The following DNM3 variants were observed in gnomAD, a reference collection of about 807,000 sequenced individuals.
DNM3 encodes dynamin-3.
In DNM3, 47 loss-of-function variants were observed where a neutral mutation model predicts 101.6. The ratio of observed to expected loss-of-function variants is 0.46; its 90% CI spans 0.37 to 0.59. The LOEUF (loss-of-function observed/expected upper bound fraction) is 0.59. Ranked by LOEUF, DNM3 falls within the 20% of genes least tolerant of loss-of-function variation. DNM3 has a pLI of 0.00. For missense variants in DNM3, 849 were observed against 1,085.7 expected, an observed-to-expected ratio of 0.78 and a Z score of 3.06; for synonymous variants, 385 against 387.9, an observed-to-expected ratio of 0.99 and a Z score of 0.09.
chr1:172,253,510 CT>C (rs1229351089), intron 14 of DNM3, 62 bp from the exon 15 acceptor site: 1 of 833,220 alleles, frequency 1.2e-6, no homozygotes, highest in African/African-American at 2.4e-5. Flanking sequence ...CTCTCCTCTC[CT>C]CTCCTCTCCT....
chr1:171,845,322 G>A (rs943719049), intron 1 of DNM3, among the ~76,000 whole-genome samples: 14 of 152,208 alleles, frequency 9.2e-5, no homozygotes, highest in African/African-American at 3.4e-4. Flanking sequence ...GCCAAGGCGG[G>A]AGGATTGCTT....
At chr1:172,076,819 G>A (rs527621543) in intron 11 of DNM3, among the ~76,000 whole-genome samples, 3 of 152,274 alleles carry the variant, frequency 2.0e-5, no homozygotes, top group Non-Finnish European at 2.9e-5. Context: ...TTAGGATGAC[G>A]TTGGCATCAT....
At chr1:172,268,309 T>G (rs2062951185) in intron 15 of DNM3, among the ~76,000 whole-genome samples, 1 of 152,036 alleles carries the variant, frequency 6.6e-6, no homozygotes, top group South Asian at 2.1e-4. Flanking sequence ...ATTTTGAAAG[T>G]TGATTCCAAG....
intron 14 of DNM3, among the ~76,000 whole-genome samples, chr1:172,220,846 G>T (rs2060882391): frequency 6.6e-6 from 1 of 152,190 alleles, no homozygotes; most frequent in South Asian, 2.1e-4. Flanking sequence ...TTCTTTATTT[G>T]TTAATAAAAG....
At chr1:172,229,482 T>C (rs940965200) in intron 14 of DNM3, among the ~76,000 whole-genome samples, 1 of 152,152 alleles carries the variant, frequency 6.6e-6, no homozygotes, top group East Asian at 1.9e-4. Flanking sequence ...GACAGACACA[T>C]GCCCAGCTAA....
intron 17 of DNM3, among the ~76,000 whole-genome samples, chr1:172,363,419 G>A (rs1386131769): frequency 6.6e-6 from 1 of 151,866 alleles, no homozygotes; most frequent in African/African-American, 2.4e-5. Context: ...CAGTCTTCAA[G>A]ACTGGACATC....
At chr1:172,237,089 T>C (rs2148633116) in intron 14 of DNM3, among the ~76,000 whole-genome samples, 1 of 152,272 alleles carries the variant, frequency 6.6e-6, no homozygotes, top group Non-Finnish European at 1.5e-5. Context: ...GCAGATAATT[T>C]GCAGCGAAAT....
chr1:171,933,940 T>C (rs969994944), intron 2 of DNM3, among the ~76,000 whole-genome samples: 2 of 152,224 alleles, frequency 1.3e-5, no homozygotes, highest in Non-Finnish European at 2.9e-5. Context: ...TAAGGGATTC[T>C]TCATTTACTG....
intron 13 of DNM3, among the ~76,000 whole-genome samples, chr1:172,101,348 A>G (rs2054625638): frequency 6.6e-6 from 1 of 152,148 alleles, no homozygotes; most frequent in African/African-American, 2.4e-5. Context: ...CCTTTTAAAA[A>G]TAATTCTACT....
intron 11 of DNM3, among the ~76,000 whole-genome samples, chr1:172,077,687 T>C (rs893151389): frequency 4.6e-5 from 7 of 152,220 alleles, no homozygotes; most frequent in African/African-American, 1.7e-4. Flanking sequence ...TTTGTTATGA[T>C]TTCTGTTCTT....
rs1343764040 is a variant in DNM3 at position 172,024,793 on chromosome 1, G to T, written c.590-7609G>T. 3.3e-5 allele frequency among the ~76,000 whole-genome samples: 5 copies of T among 152,218 alleles called. No homozygotes were observed. The East Asian group carries it at 9.6e-4, about 29-fold the overall frequency. On this transcript the variant is annotated intron_variant, in intron 4 of 20. Transcript: ENST00000627582. ...GCTCAGATACTATGCTTTTCCCACG[G>T]TCTTCACAACCTACAGGCAAGAGAT... is the stretch of plus-strand genomic sequence containing the variant.
At chr1:172,015,274 C>T (rs1572093200) in intron 4 of DNM3, among the ~76,000 whole-genome samples, 1 of 152,218 alleles carries the variant, frequency 6.6e-6, no homozygotes, top group African/African-American at 2.4e-5. Flanking sequence ...CCATACAAAA[C>T]TTAGAATCAG....
intron 2 of DNM3, among the ~76,000 whole-genome samples, chr1:171,931,365 T>C (rs1464917596): frequency 6.6e-6 from 1 of 152,140 alleles, no homozygotes. Flanking sequence ...CAGGCTCAAG[T>C]CCTGTCATTT....
At chr1:172,075,746 A>G (rs1196269634) in intron 11 of DNM3, among the ~76,000 whole-genome samples, 2 of 152,206 alleles carry the variant, frequency 1.3e-5, no homozygotes, top group African/African-American at 4.8e-5. Context: ...GTCAGGCAGC[A>G]TGATGCCTCC....
chr1:172,016,785 T>C (rs1270344186), intron 4 of DNM3, among the ~76,000 whole-genome samples: 1 of 152,192 alleles, frequency 6.6e-6, no homozygotes, highest in African/African-American at 2.4e-5. Context: ...TATAAGCCTG[T>C]TCCAATCACC....
intron 2 of DNM3, among the ~76,000 whole-genome samples, chr1:171,965,841 G>A (rs938471426): frequency 4.6e-5 from 7 of 152,146 alleles, no homozygotes; most frequent in Non-Finnish European, 8.8e-5. Flanking sequence ...CTGGAGATTA[G>A]GGGGTAGGAG....
intron 10 of DNM3, among the ~76,000 whole-genome samples, chr1:172,055,612 C>G (rs945498709): frequency 6.6e-6 from 1 of 152,124 alleles, no homozygotes. Context: ...GCTCATCGCT[C>G]TATTTTCCAC....
At chr1:172,122,597 G>A (rs1257714688) in intron 13 of DNM3, among the ~76,000 whole-genome samples, 1 of 152,154 alleles carries the variant, frequency 6.6e-6, no homozygotes, top group African/African-American at 2.4e-5. Context: ...AACATCAGAG[G>A]ATTATGCCAC....
chr1:172,249,407 C>T (rs1183176560), intron 14 of DNM3, among the ~76,000 whole-genome samples: 2 of 152,110 alleles, frequency 1.3e-5, no homozygotes, highest in African/African-American at 4.8e-5. Flanking sequence ...CCTTTTTGGA[C>T]CTGATCTGTT....
Sources: gnomAD v4.1 joint callset for allele counts (sites outside exome capture counted in the v4.1 genomes callset) on GRCh38, gnomAD v4.1.1 for gene constraint, MANE v1.5 for transcripts, NCBI Gene and HGNC (gene_info 2026-07-23, HGNC 2026-07-21) for gene names.